The following MLC1 variants were observed in gnomAD, a reference collection of about 807,000 sequenced individuals.
MLC1 encodes the protein membrane protein MLC1.
MLC1 carries 32 observed loss-of-function variants against 44.7 expected under a neutral mutation model. The ratio of observed to expected loss-of-function variants is 0.72; its 90% confidence interval spans 0.54 to 0.96. The LOEUF is 0.96. MLC1 is among the 40% of genes least tolerant of loss of function. The pLI, the probability that MLC1 is intolerant of heterozygous loss-of-function variation, is 0.00. For synonymous variants in MLC1, 190 were observed against 213.0 expected, an observed-to-expected ratio of 0.89 and a Z score of 0.94; for missense variants, 459 against 492.2, an observed-to-expected ratio of 0.93 and a Z score of 0.64.
chr22:50,075,268 T>G (rs1246538290), intron 7 of MLC1, among the ~76,000 whole-genome samples: 1 of 151,758 alleles, frequency 6.6e-6, no homozygotes, highest in Non-Finnish European at 1.5e-5. Flanking sequence ...CCTGCTCCCG[T>G]GAAGGATCTC....
intron 2 of MLC1, among the ~76,000 whole-genome samples, chr22:50,084,500 A>G (rs868240040): frequency 3.9e-5 from 6 of 152,208 alleles, no homozygotes; most frequent in Non-Finnish European, 7.3e-5. Flanking sequence ...ACTAAGCCAC[A>G]ACCTGGAGCA....
rs1176471024 is a variant in MLC1, at chr22:50,083,988, G to A, written c.177+738C>T. ...TCTTGGTGGGGCATGCTCAGGCCACGGGAGGTGGGCAGGACCACTGTGGGT... is the reference window on the plus strand; with the variant it reads ...TCTTGGTGGGGCATGCTCAGGCCACAGGAGGTGGGCAGGACCACTGTGGGT... On this transcript the variant is annotated intron_variant, in intron 2 of 11. Coordinates refer to ENST00000311597, the MANE Select transcript of MLC1 (RefSeq NM_015166.4). The surrounding 1 kb of genome is among the most constrained non-coding windows in gnomAD (Gnocchi z 4.6). 6.6e-6 allele frequency among the ~76,000 whole-genome samples: 1 copy of A among 152,166 alleles called. No homozygotes were observed. The highest frequency in any genetic ancestry group is 2.4e-5 in the African/African-American group (1 of 41,438).
chr22:50,084,728 C>A lies in MLC1; in HGVS notation c.175G>T (p.Gly59Trp). 1 of 1,614,022 alleles carries A rather than the reference C, an allele frequency of 6.2e-7. No homozygotes were observed. The highest frequency in any genetic ancestry group is 8.5e-7 in the Non-Finnish European group (1 of 1,180,030). ...GGGCTTAGTGTGGAGCTACTCACCC[C>A]CATCAGCACAGAGAAGACCCACGTC... ...HKTWVFSVLM[G>W]SCLLVTSGFS... Residue 59 changes from glycine (G) to tryptophan (W), a missense_variant and splice_region_variant, in exon 2 of 12, where the codon GGG becomes TGG. Coordinates refer to ENST00000311597, the MANE Select transcript of MLC1 (RefSeq NM_015166.4).
chr22:50,081,070 G>A (rs561440531), intron 3 of MLC1, among the ~76,000 whole-genome samples: 7 of 51,296 alleles, frequency 1.4e-4, no homozygotes, highest in Non-Finnish European at 3.3e-4. Context: ...GAGGTCTGGT[G>A]CAGTGGCTCA....
At chr22:50,068,871 C>G (rs1230342458) in intron 9 of MLC1, among the ~76,000 whole-genome samples, 2 of 151,830 alleles carry the variant, frequency 1.3e-5, no homozygotes, top group African/African-American at 4.8e-5. Flanking sequence ...GGATTACAGG[C>G]GCCCGCCACC....
chr22:50,074,577 G>A (rs2061934587), intron 7 of MLC1: 1 of 522,768 alleles, frequency 1.9e-6, no homozygotes, highest in Admixed American at 3.0e-5. Context: ...CCCCACTGCT[G>A]CTTTTGTCCA....
At chr22:50,081,059 G>GAAA (rs1484447304) in intron 3 of MLC1, among the ~76,000 whole-genome samples, 3 of 19,164 alleles carry the variant, frequency 1.6e-4, no homozygotes, top group South Asian at 2.0e-3. Context: ...GAAAGAAAGA[G>GAAA]GAGGTCTGGT....
chr22:50,085,170 C>T, intron 1 of MLC1, 185 bp downstream of exon 1: 1 of 1,339,746 alleles, frequency 7.5e-7, no homozygotes, highest in Non-Finnish European at 9.6e-7. Context: ...TGAGATTCTA[C>T]ACTTTAAATG....
chr22:50,078,052 C>T (rs986554660), intron 5 of MLC1, among the ~76,000 whole-genome samples: 7 of 147,514 alleles, frequency 4.7e-5, no homozygotes, highest in African/African-American at 5.0e-5. Flanking sequence ...GAGCAAATGG[C>T]GCAATCTCGG....
At chr22:50,081,391 A>G (rs1486035234) in intron 3 of MLC1, among the ~76,000 whole-genome samples, 1 of 152,246 alleles carries the variant, frequency 6.6e-6, no homozygotes, top group Non-Finnish European at 1.5e-5. Flanking sequence ...AGGAAGGAGC[A>G]AAGGAAGTAG....
Position 50,083,259 on chromosome 22 carries a change from G to C in MLC1, c.178-86C>G. On this transcript the variant is annotated intron_variant, in intron 2 of 11. Transcript: ENST00000311597. This position sits in a 1 kb window ranked among gnomAD's most constrained non-coding sequence, Gnocchi z 4.6. ...CCCTTCAACTTCTGCTTCACTGTCTGTGTATTGGTGACTCACCCACGTCCC... is the reference window on the plus strand; with the variant it reads ...CCCTTCAACTTCTGCTTCACTGTCTCTGTATTGGTGACTCACCCACGTCCC... 3.2e-6 allele frequency: 4 copies of C among 1,233,828 alleles called. No individual in the cohort carries two copies. Among genetic ancestry groups the C allele is most frequent in the African/African-American group, 1.5e-5 (1 of 67,332 alleles). 76.4% of individuals were successfully genotyped at this position (1,233,828 alleles called of 1,614,324 possible). A position where few individuals can be genotyped will look rare whatever the true frequency, so the allele number is the denominator to read the frequency against.
At position 50,064,097 on chromosome 22, in the gene MLC1, A is replaced by C; in HGVS notation, c.996T>G (p.Ser332Arg). The C allele has an allele frequency of 1.3e-6, 2 of 1,510,596 alleles. No homozygotes were observed. Among genetic ancestry groups the C allele is most frequent in the Non-Finnish European group, 1.8e-6 (2 of 1,097,842 alleles). 93.6% of individuals were successfully genotyped at this position (1,510,596 alleles called of 1,614,324 possible). The change falls in exon 11 of 12, where the codon AGT becomes AGG. Residue 332 changes from serine to arginine, a missense_variant. Coordinates refer to ENST00000311597, the MANE Select transcript of MLC1 (RefSeq NM_015166.4). ...TAIQCVRFKV[S>R]ARLQGASWDT... ...CCCAGGATGCACCCTGCAGCCTTGC[A>C]CTGACCTTGAAGCGCACGCACTGGA...
intron 8 of MLC1, among the ~76,000 whole-genome samples, chr22:50,073,672 G>T (rs2061912193): frequency 6.6e-6 from 1 of 152,130 alleles, no homozygotes; most frequent in South Asian, 2.1e-4. Flanking sequence ...AGGGGCAGAG[G>T]TTGTAGTGAG....
At chr22:50,077,177 C>T (rs1036817681) in intron 6 of MLC1, among the ~76,000 whole-genome samples, 3 of 152,166 alleles carry the variant, frequency 2.0e-5, no homozygotes, top group Admixed American at 6.5e-5. Flanking sequence ...GGGGAGGGTA[C>T]AGCATCTGTC....
At chr22:50,074,443 C>A in intron 7 of MLC1, 111 bp from the exon 8 acceptor site, 1 of 970,122 alleles carries the variant, frequency 1.0e-6, no homozygotes, top group East Asian at 2.4e-5. Context: ...TGGGCTGGCC[C>A]CAGATCTAAC....
At chr22:50,061,872 C>T (rs536700943) in intron 11 of MLC1, among the ~76,000 whole-genome samples, 10 of 152,348 alleles carry the variant, frequency 6.6e-5, no homozygotes, top group African/African-American at 2.4e-4. Flanking sequence ...CCCCCCCGCA[C>T]ACACGGTTTC....
intron 6 of MLC1, 120 bp downstream of exon 6, chr22:50,077,281 A>G (rs1384531912): frequency 2.2e-6 from 2 of 915,136 alleles, no homozygotes; most frequent in Non-Finnish European, 3.4e-6. Flanking sequence ...GAGGGGTCTC[A>G]TGGGAATGCC....
At chr22:50,076,387 T>A (rs1237408206) in intron 7 of MLC1, among the ~76,000 whole-genome samples, 5 of 152,052 alleles carry the variant, frequency 3.3e-5, no homozygotes, top group African/African-American at 7.2e-5. Context: ...AAACCCTGCC[T>A]CTACTAAAAA....
rs1569244149 is a variant in MLC1 at position 50,068,448 on chromosome 22, G to T, written c.879C>A (p.Tyr293Ter). 1 of 1,613,802 alleles carries T rather than the reference G, an allele frequency of 6.2e-7. No individual in the cohort carries two copies. Residue 293 changes from tyrosine to a stop codon, truncating the protein, a stop_gained, in exon 10 of 12, where the codon TAC becomes TAA. Coordinates refer to ENST00000311597, the MANE Select transcript of MLC1 (RefSeq NM_015166.4). LOFTEE classifies it high-confidence loss of function. ...TACAACTCACTTTTATGGCTGGCGG[G>T]TAATCCTTAAACATCTCCACGATTC... ...IMRIVEMFKD[Y>*]PPAIKPSYDV... is the part of the protein sequence containing the mutation.
Sources: allele counts gnomAD v4.1 joint callset (sites outside exome capture counted in the v4.1 genomes callset), GRCh38; gene constraint gnomAD v4.1.1; non-coding constraint Gnocchi (gnomAD v3.1); transcripts MANE v1.5; gene names NCBI Gene and HGNC (gene_info 2026-07-23, HGNC 2026-07-21).